The following IL5RA variants were observed in gnomAD, a reference collection of about 807,000 sequenced individuals.
The protein encoded by IL5RA is interleukin-5 receptor subunit alpha.
A neutral mutation model predicts 50.0 loss-of-function variants in IL5RA; 49 were observed. The observed-to-expected ratio is 0.98, with a 90% CI of 0.78 to 1.24. The LOEUF is 1.24. IL5RA is among the 50% of genes most tolerant of loss of function. The pLI is 0.00. For missense variants in IL5RA, 600 were observed against 500.4 expected, an observed-to-expected ratio of 1.20 and a Z score of -1.90; for synonymous variants, 202 against 174.0, an observed-to-expected ratio of 1.16 and a Z score of -1.26.
At chr3:3,089,369 C>T (rs1559868480) in intron 9 of IL5RA, among the ~76,000 whole-genome samples, 2 of 152,200 alleles carry the variant, frequency 1.3e-5, no homozygotes, top group Admixed American at 6.5e-5. Context: ...TTAGGCCTTT[C>T]CTTATCTTTC....
intron 3 of IL5RA, 74 bp from the exon 4 acceptor site, chr3:3,102,894 T>G: frequency 2.4e-6 from 3 of 1,257,770 alleles, no homozygotes; most frequent in Non-Finnish European, 3.3e-6. Flanking sequence ...ACTTTTCGAA[T>G]ATTTATTGCC....
At chr3:3,098,532 C>G (rs1703474631) in intron 5 of IL5RA, among the ~76,000 whole-genome samples, 1 of 152,106 alleles carries the variant, frequency 6.6e-6, no homozygotes, top group Non-Finnish European at 1.5e-5. Flanking sequence ...CTCAGCCTCC[C>G]AAGTAGCTGA....
chr3:3,108,407 G>C (rs1395149759), intron 2 of IL5RA, 143 bp downstream of exon 2: 1 of 152,200 alleles, frequency 6.6e-6, no homozygotes, highest in Non-Finnish European at 1.5e-5. Context: ...CTCTCTGTCA[G>C]TCCAAGTGGA....
intron 7 of IL5RA, 97 bp downstream of exon 7, chr3:3,097,773 A>G: frequency 7.7e-7 from 1 of 1,303,124 alleles, no homozygotes; most frequent in Non-Finnish European, 1.1e-6. Flanking sequence ...ACTTGGCATC[A>G]GAGAAGCAGT....
At chr3:3,078,047 T>A (rs1227378650) in intron 9 of IL5RA, among the ~76,000 whole-genome samples, 1 of 152,170 alleles carries the variant, frequency 6.6e-6, no homozygotes, top group Admixed American at 6.5e-5. Flanking sequence ...GCTCCTGTCA[T>A]GGAGTCCATT....
intron 5 of IL5RA, among the ~76,000 whole-genome samples, chr3:3,099,824 C>G (rs1703557213): frequency 1.3e-5 from 2 of 151,974 alleles, no homozygotes; most frequent in Admixed American, 1.3e-4. Context: ...CACGTGCCAC[C>G]ACACTCAGCT....
At chr3:3,097,462 A>G (rs558856147) in intron 7 of IL5RA, among the ~76,000 whole-genome samples, 1 of 152,234 alleles carries the variant, frequency 6.6e-6, no homozygotes, top group Non-Finnish European at 1.5e-5. Flanking sequence ...GAACTCATGA[A>G]GGATTAAATG....
chr3:3,077,158 C>A (rs1385374742), intron 9 of IL5RA, among the ~76,000 whole-genome samples: 2 of 152,218 alleles, frequency 1.3e-5, no homozygotes, highest in Non-Finnish European at 2.9e-5. Context: ...CAAAGCACCC[C>A]TTACCATTAT....
intron 9 of IL5RA, among the ~76,000 whole-genome samples, chr3:3,080,099 A>C (rs1702615922): frequency 6.6e-6 from 1 of 152,226 alleles, no homozygotes; most frequent in South Asian, 2.1e-4. Context: ...AAAGTTTATA[A>C]AGTATAAAAA....
At chr3:3,074,436 C>T (rs983818699) in intron 11 of IL5RA, among the ~76,000 whole-genome samples, 2 of 152,140 alleles carry the variant, frequency 1.3e-5, no homozygotes, top group Non-Finnish European at 2.9e-5. Context: ...AACTCAGTAC[C>T]TTTCCAATAT....
chr3:3,088,548 G>C (rs1702965837), intron 9 of IL5RA, among the ~76,000 whole-genome samples: 1 of 152,216 alleles, frequency 6.6e-6, no homozygotes, highest in Non-Finnish European at 1.5e-5. Flanking sequence ...CATAGAGCTA[G>C]ATGTTGGCAG....
intron 11 of IL5RA, chr3:3,073,896 C>G (rs555571029): frequency 5.0e-6 from 2 of 402,882 alleles, no homozygotes; most frequent in East Asian, 1.5e-4. Context: ...TCGTGGTTTA[C>G]GATAAAGCTA....
Position 3,097,890 on chromosome 3 carries a change from A to G in IL5RA, c.689T>C (p.Leu230Pro), listed in dbSNP as rs1469234116. 1 of 1,613,862 alleles carries G rather than the reference A, an allele frequency of 6.2e-7. No individual in the cohort carries two copies. Among genetic ancestry groups the G allele is most frequent in the African/African-American group, 1.3e-5 (1 of 74,926 alleles). ...KHSAIRPFDQ[L>P]FALHAIDQIN... The stretch of plus-strand genomic sequence containing the variant: ...CTTACCAATGGCGTGAAGGGCAAAC[A>G]GCTGATCAAAGGGCCTGATAGCAGA... Residue 230 changes from leucine (L) to proline (P), a missense_variant, in exon 7 of 12, where the codon CTG becomes CCG. By Grantham distance (98) the Leu-to-Pro change is moderately conservative. Transcript: ENST00000446632.
chr3:3,091,945 T>A, intron 9 of IL5RA: 2 of 1,140,876 alleles, frequency 1.8e-6, no homozygotes, highest in Non-Finnish European at 2.2e-6. Flanking sequence ...ATAAAAAGTT[T>A]AATTTAAAAA....
intron 5 of IL5RA, among the ~76,000 whole-genome samples, chr3:3,101,301 C>T (rs1473761932): frequency 6.6e-6 from 1 of 152,150 alleles, no homozygotes; most frequent in Non-Finnish European, 1.5e-5. Flanking sequence ...GAAAATTACC[C>T]GTGAGCTCAA....
Position 3,092,357 on chromosome 3 carries a change from TTCTA to T in IL5RA, c.857_860del (p.Ile286LysfsTer3). The T allele has an allele frequency of 8.7e-6, 14 of 1,612,980 alleles. No homozygotes were observed. The Admixed American group carries it at 1.2e-4, about 13-fold the overall frequency. Reference sequence around the variant, plus strand: ...AGATGAATGCATTGGTCATCAATTTTTCTATCTAAGTGGGGAAAGATAGCATTAG... The same window carrying T: ...AGATGAATGCATTGGTCATCAATTTTTCTAAGTGGGGAAAGATAGCATTAG... On this transcript the variant is annotated frameshift_variant and splice_region_variant, in exon 9 of 12. Coordinates refer to ENST00000446632, the MANE Select transcript of IL5RA (RefSeq NM_175726.4). LOFTEE classifies it high-confidence loss of function. The surrounding 1 kb of genome is among the most constrained non-coding windows in gnomAD (Gnocchi z 4.2).
intron 8 of IL5RA, among the ~76,000 whole-genome samples, chr3:3,093,842 C>G (rs559371081): frequency 1.1e-4 from 16 of 152,350 alleles, no homozygotes; most frequent in Non-Finnish European, 1.8e-4. Context: ...TTTGTTGAAT[C>G]TAATTGAATT....
intron 2 of IL5RA, among the ~76,000 whole-genome samples, chr3:3,107,405 C>CAACAACAAT (rs541117959): frequency 6.6e-6 from 1 of 151,644 alleles, no homozygotes; most frequent in Admixed American, 6.6e-5. Context: ...ACAGCAACAA[C>CAACAACAAT]AAATCTCTTC....
rs772772855 is a variant in IL5RA, at chr3:3,098,129, G to A, written c.521+8C>T. On this transcript the variant is annotated splice_region_variant and intron_variant, in intron 6 of 11. Coordinates refer to ENST00000446632, the MANE Select transcript of IL5RA (RefSeq NM_175726.4). ...ATTTGCCTAAGTAAAAATAGGTACA[G>A]TACTAACCTATAGTAGAGAAAATAC... The A allele has an allele frequency of 6.2e-7, 1 of 1,613,976 alleles. No individual in the cohort carries two copies. The highest frequency in any genetic ancestry group is 8.5e-7 in the Non-Finnish European group (1 of 1,179,846).
Sources: gnomAD v4.1 joint callset for allele counts (sites outside exome capture counted in the v4.1 genomes callset) on GRCh38, gnomAD v4.1.1 for gene constraint, Gnocchi (gnomAD v3.1) non-coding constraint, MANE v1.5 for transcripts, NCBI Gene and HGNC (gene_info 2026-07-23, HGNC 2026-07-21) for gene names.